Variants in ABL2 observed in about 807,000 individuals in gnomAD.
ABL2 encodes ABL proto-oncogene 2, non-receptor tyrosine kinase.
In ABL2, 49 loss-of-function variants were observed where a neutral mutation model predicts 107.7. The ratio of observed to expected loss-of-function variants is 0.45; its 90% CI spans 0.36 to 0.58. The LOEUF is 0.58. Ranked by LOEUF, ABL2 falls within the 20% of genes least tolerant of loss-of-function variation. The probability of loss-of-function intolerance (pLI) is 0.00; values close to 1 mark genes in which losing one functional copy is unlikely to be tolerated. For synonymous variants in ABL2, 549 were observed against 548.6 expected, an observed-to-expected ratio of 1.00 and a Z score of -0.01; for missense variants, 1,245 against 1,457.0, an observed-to-expected ratio of 0.85 and a Z score of 2.37.
In ABL2 at chr1:179,105,636, C is replaced by T. The variant is rs9729162; in HGVS notation, c.*2082G>A. ...GTGACATACTGCGGGGATCACCCAA[C>T]ACCTGCCAGGAATGCCCAGCACCGC... On this transcript the variant is annotated 3_prime_UTR_variant, in exon 12 of 12. Transcript: ENST00000502732. The T allele has an allele frequency of 3.7e-3, 837 of 228,138 alleles. 4 individuals carry two copies. Among genetic ancestry groups the T allele is most frequent in the African/African-American group, 0.016 (742 of 45,172 alleles). The allele number at this position is 228,138 out of a possible 1,614,324, so 14.1% of individuals were successfully genotyped here.
chr1:179,193,702 G>A (rs1661144234), intron 1 of ABL2, among the ~76,000 whole-genome samples: 1 of 151,588 alleles, frequency 6.6e-6, no homozygotes, highest in Admixed American at 6.6e-5. Context: ...CACCGTGCCT[G>A]GCCTAATTTT....
intron 1 of ABL2, among the ~76,000 whole-genome samples, chr1:179,199,917 G>A (rs947396141): frequency 2.1e-4 from 32 of 151,482 alleles, no homozygotes; most frequent in African/African-American, 7.5e-4. Context: ...TTTTGGTAGA[G>A]TCAGGGTCTC....
rs1653065147 is a variant in ABL2 at position 179,101,315 on chromosome 1, T to C, written c.*6403A>G. On this transcript the variant is annotated 3_prime_UTR_variant, in exon 12 of 12. Transcript: ENST00000502732. ...ATCTTCTTATCTTGATCCCACAGGG[T>C]GAAGCCTTCCCTAATTTCCTGTCCT... 1 of 207,750 alleles carries C rather than the reference T, an allele frequency of 4.8e-6. No homozygotes were observed. Among genetic ancestry groups the C allele is most frequent in the African/African-American group, 2.3e-5 (1 of 43,738 alleles). The allele number at this position is 207,750 out of a possible 1,614,324, so 12.9% of individuals were successfully genotyped here.
At chr1:179,117,181 G>C (rs2102610563) in intron 8 of ABL2, 151 bp downstream of exon 8, 1 of 782,994 alleles carries the variant, frequency 1.3e-6, no homozygotes, top group East Asian at 2.7e-5. Flanking sequence ...TGGCAGATAG[G>C]AGGTATTTAA....
chr1:179,151,072 G>T (rs1658328550), intron 1 of ABL2, among the ~76,000 whole-genome samples: 1 of 152,050 alleles, frequency 6.6e-6, no homozygotes, highest in South Asian at 2.1e-4. Context: ...AGTATAGCAT[G>T]AACACGACTT....
At chr1:179,193,898 C>A (rs1476332930) in intron 1 of ABL2, among the ~76,000 whole-genome samples, 1 of 151,932 alleles carries the variant, frequency 6.6e-6, no homozygotes, top group East Asian at 1.9e-4. Flanking sequence ...TGTGGCCCAG[C>A]TAATTTTTTG....
At chr1:179,183,831 TC>T (rs1020869487) in intron 1 of ABL2, 12 of 176,156 alleles carry the variant, frequency 6.8e-5, no homozygotes, top group Admixed American at 1.9e-4. Flanking sequence ...TCTTGGACTT[TC>T]CTAGCAGCAT....
chr1:179,141,868 G>A lies in ABL2; in HGVS notation c.158-8494C>T, dbSNP rs115487603. On this transcript the variant is annotated intron_variant, in intron 1 of 11. Transcript: ENST00000502732. The stretch of plus-strand genomic sequence containing the variant: ...CTAACATTTTTCTGAAGCTAAGAAC[G>A]AACATATTTTGAATCATAAAGAGTA... Among the ~76,000 whole-genome samples, 841 of 152,242 alleles carry A rather than the reference G, an allele frequency of 5.5e-3. 9 individuals are homozygous for A. Among genetic ancestry groups the A allele is most frequent in the African/African-American group, 0.019 (794 of 41,530 alleles).
At position 179,229,340 on chromosome 1, in the gene ABL2, G is replaced by A; in HGVS notation, c.58C>T (p.Arg20Cys). Reference sequence around the variant, plus strand: ...GCTGCACTGCTGCCCCGGATCCCGCGGGGCTGAGGCTGCTGGAGCCCCGGA... The same window carrying A: ...GCTGCACTGCTGCCCCGGATCCCGCAGGGCTGAGGCTGCTGGAGCCCCGGA... The part of the protein sequence containing the change: ...EAPGLQQPQP[R>C]GIRGSSAARP... The change falls in exon 1 of 12, where the codon CGC becomes TGC. Residue 20 changes from arginine to cysteine, a missense_variant. Arg to Cys is a radical substitution (Grantham distance 180). This residue lies in a region of ABL2 where 164 missense variants were observed against 143.7 expected (regional missense o/e 1.14). Transcript: ENST00000502732. 2 of 1,584,546 alleles carry A rather than the reference G, an allele frequency of 1.3e-6. No individual in the cohort carries two copies. The highest frequency in any genetic ancestry group is 1.7e-6 in the Non-Finnish European group (2 of 1,168,568).
At chr1:179,117,850 GGCTCAC>G (rs1654798854) in intron 7 of ABL2, among the ~76,000 whole-genome samples, 1 of 152,094 alleles carries the variant, frequency 6.6e-6, no homozygotes, top group African/African-American at 2.4e-5. Flanking sequence ...CAGGTGTGGT[GGCTCAC>G]GCCTGTAATC....
intron 1 of ABL2, among the ~76,000 whole-genome samples, chr1:179,190,927 A>G (rs184467442): frequency 2.0e-5 from 3 of 152,228 alleles, no homozygotes; most frequent in Middle Eastern, 3.2e-3. Flanking sequence ...CATTATATCC[A>G]GAATTTAAGG....
rs753678791 is a variant in ABL2, at chr1:179,100,456, G to A, written c.*7262C>T. 4.4e-6 allele frequency: 1 copy of A among 227,006 alleles called. No homozygotes were observed. The highest frequency in any genetic ancestry group is 8.7e-6 in the Non-Finnish European group (1 of 114,288). The allele number at this position is 227,006 out of a possible 1,614,324, so 14.1% of individuals were successfully genotyped here. A position where few individuals can be genotyped will look rare whatever the true frequency, so the allele number is the denominator to read the frequency against. On this transcript the variant is annotated 3_prime_UTR_variant, in exon 12 of 12. Transcript: ENST00000502732. ...TTCTTTTTATTGTGTCATAATTGCT[G>A]AAAATTAAGTATACATATATGTGAA... is the stretch of plus-strand genomic sequence containing the variant.
At chr1:179,225,868 T>C (rs947219166) in intron 1 of ABL2, among the ~76,000 whole-genome samples, 1 of 151,732 alleles carries the variant, frequency 6.6e-6, no homozygotes, top group East Asian at 1.9e-4. Flanking sequence ...GGTGAAACCC[T>C]GTCTCTACTA....
At chr1:179,201,248 T>A (rs536906736) in intron 1 of ABL2, among the ~76,000 whole-genome samples, 2 of 152,334 alleles carry the variant, frequency 1.3e-5, no homozygotes, top group South Asian at 4.1e-4. Context: ...TGGTTTTTTG[T>A]CTTGTTTTTG....
chr1:179,190,303 G>A (rs961583222), intron 1 of ABL2, among the ~76,000 whole-genome samples: 4 of 152,042 alleles, frequency 2.6e-5, no homozygotes, highest in South Asian at 2.1e-4. Flanking sequence ...AGTGGCTCAC[G>A]GAACTCAGGG....
At chr1:179,198,188 A>AG (rs1306541332) in intron 1 of ABL2, among the ~76,000 whole-genome samples, 3 of 151,720 alleles carry the variant, frequency 2.0e-5, no homozygotes, top group Non-Finnish European at 4.4e-5. Flanking sequence ...AAAAAAAAAA[A>AG]AAGTTTTCCA....
chr1:179,212,105 A>T (rs939977904), intron 1 of ABL2, among the ~76,000 whole-genome samples: 1 of 152,202 alleles, frequency 6.6e-6, no homozygotes, highest in Admixed American at 6.5e-5. Context: ...AGCAGGAGAG[A>T]GAACAGCCAA....
chr1:179,110,599 T>G, intron 10 of ABL2, 144 bp from the exon 11 acceptor site: 1 of 1,498,932 alleles, frequency 6.7e-7, no homozygotes, highest in Non-Finnish European at 8.9e-7. Flanking sequence ...TATGTACTCT[T>G]TTGTCTGGCT....
At chr1:179,228,276 G>A (rs1330300893) in intron 1 of ABL2, among the ~76,000 whole-genome samples, 2 of 151,994 alleles carry the variant, frequency 1.3e-5, no homozygotes, top group Non-Finnish European at 2.9e-5. Context: ...GAACCCGGGA[G>A]GCAGAGATTG....
Sources: gnomAD v4.1 joint callset for allele counts (sites outside exome capture counted in the v4.1 genomes callset) on GRCh38, gnomAD v4.1.1 for gene constraint, gnomAD v4.1.1 regional missense constraint, MANE v1.5 for transcripts, NCBI Gene and HGNC (gene_info 2026-07-23, HGNC 2026-07-21) for gene names.